The following RAI1 variants were observed in gnomAD, a reference collection of about 807,000 sequenced individuals.
The protein encoded by RAI1 is retinoic acid-induced protein 1.
RAI1 carries 9 observed loss-of-function variants against 123.8 expected under a neutral mutation model. The ratio of observed to expected loss-of-function variants is 0.07; its 90% CI spans 0.04 to 0.13. The LOEUF is 0.13. Among genes scored for constraint, RAI1 ranks in the 10% least tolerant of loss-of-function variants. The pLI, the probability that RAI1 is intolerant of heterozygous loss-of-function variation, is 1.00. For synonymous variants in RAI1, 1,231 were observed against 1,127.3 expected (o/e 1.09, Z -1.84); for missense variants, 2,256 against 2,545.8 (o/e 0.89, Z 2.45).
At position 17,795,543 on chromosome 17, in the gene RAI1, G is replaced by A; in HGVS notation, c.2595G>A (p.Leu865=). 1.2e-6 allele frequency: 2 copies of A among 1,605,268 alleles called. No homozygotes were observed. Among genetic ancestry groups the A allele is most frequent in the Non-Finnish European group, 1.7e-6 (2 of 1,175,978 alleles). The change falls in exon 3 of 6, where the codon CTG becomes CTA. Residue 865 remains leucine (L), a synonymous_variant. Transcript: ENST00000353383. The surrounding 1 kb of genome is among the most constrained non-coding windows in gnomAD (Gnocchi z 5.9). ...CACCCACCAGCAGGAAGGAGGACCT[G>A]GAAGCTGAGGAGGAGTACTCCTCCC... The part of the protein sequence containing the change: ...LLPPTSRKED[L]EAEEEYSSLC...
intron 1 of RAI1, among the ~76,000 whole-genome samples, chr17:17,689,131 T>A (rs190333803): frequency 1.8e-3 from 276 of 152,012 alleles, no homozygotes; most frequent in African/African-American, 6.4e-3. Context: ...AATTTTTTTT[T>A]ATTTTTAGTA....
At position 17,795,913 on chromosome 17, in the gene RAI1, A is replaced by G. The variant is rs993240093; in HGVS notation, c.2965A>G (p.Lys989Glu). 77 of 1,610,654 alleles carry G rather than the reference A, an allele frequency of 4.8e-5. No homozygotes were observed. The highest frequency in any genetic ancestry group is 5.9e-5 in the Non-Finnish European group (70 of 1,179,726). ...TGTGCCCGAGGCGCCCATCGCAAAG[A>G]AAGAGCCTGTGCCACGGGGCAAAAG... ...PAVPEAPIAKKEPVPRGKSLR... is the reference protein window; with the variant it reads ...PAVPEAPIAKEEPVPRGKSLR... Residue 989 changes from lysine (K) to glutamate (E), a missense_variant, in exon 3 of 6, where the codon AAA (lysine) becomes GAA (glutamate). By Grantham distance (56) the Lys-to-Glu change is moderately conservative. Around this residue, in one of 7 missense-constraint regions of RAI1, gnomAD observed 566 missense variants for 616.0 expected, o/e 0.92. Transcript: ENST00000353383. This position sits in a 1 kb window ranked among gnomAD's most constrained non-coding sequence, Gnocchi z 5.9.
chr17:17,785,579 G>C (rs1008952063), intron 2 of RAI1, among the ~76,000 whole-genome samples: 6 of 152,182 alleles, frequency 3.9e-5, no homozygotes, highest in African/African-American at 1.4e-4. Flanking sequence ...GGAGAGTTGG[G>C]GTGGCGCCTC....
At chr17:17,694,439 T>C (rs1914941179) in intron 1 of RAI1, among the ~76,000 whole-genome samples, 1 of 152,062 alleles carries the variant, frequency 6.6e-6, no homozygotes, top group Non-Finnish European at 1.5e-5. Context: ...GCCCCCAACC[T>C]GGCCCACCTC....
chr17:17,752,624 C>T lies in RAI1; in HGVS notation c.-17+28465C>T, dbSNP rs375933979. ...TGAGAGGCCTGCTAGGCCAGCGCCC[C>T]CTAATCCTCATCCGGCCGTGGGTGG... On this transcript the variant is annotated intron_variant, in intron 2 of 5. Coordinates refer to ENST00000353383, the MANE Select transcript of RAI1 (RefSeq NM_030665.4). 3.3e-3 allele frequency among the ~76,000 whole-genome samples: 508 copies of T among 152,344 alleles called. 4 individuals carry two copies. The highest frequency in any genetic ancestry group is 0.012 in the African/African-American group (482 of 41,568).
In RAI1 at chr17:17,794,018, G is replaced by T; in HGVS notation, c.1070G>T (p.Ser357Ile). ...ARSVGRSPSYSSTPSPLMPNL... is the reference protein window; with the variant it reads ...ARSVGRSPSYISTPSPLMPNL... ...TCCGTGGGCCGCTCACCTTCCTACA[G>T]TTCCACACCGTCGCCGCTGATGCCA... Residue 357 changes from serine (S) to isoleucine (I), a missense_variant, in exon 3 of 6, where the codon AGT becomes ATT. Coordinates refer to ENST00000353383, the MANE Select transcript of RAI1 (RefSeq NM_030665.4). 1 of 1,613,836 alleles carries T rather than the reference G, an allele frequency of 6.2e-7. No individual in the cohort carries two copies. Among genetic ancestry groups the T allele is most frequent in the Middle Eastern group, 1.6e-4 (1 of 6,062 alleles).
intron 1 of RAI1, chr17:17,683,635 G>C (rs182669420): frequency 6.6e-6 from 1 of 152,386 alleles, no homozygotes; most frequent in Non-Finnish European, 1.5e-5. Context: ...CTCAGGGCAG[G>C]CTCAGCCCCA....
At chr17:17,728,135 G>GC in intron 2 of RAI1, among the ~76,000 whole-genome samples, 1 of 152,126 alleles carries the variant, frequency 6.6e-6, no homozygotes, top group East Asian at 1.9e-4. Context: ...AAGGGAGGGT[G>GC]CCCCCGAGCT....
Position 17,775,208 on chromosome 17 carries a change from T to TC in RAI1, c.-16-17725_-16-17724insC, listed in dbSNP as rs1386937624. Among the ~76,000 whole-genome samples the TC allele has an allele frequency of 4.7e-5, 7 of 150,388 alleles. No homozygotes were observed. The East Asian group carries it at 1.4e-3, about 29-fold the overall frequency. On this transcript the variant is annotated intron_variant, in intron 2 of 5. Transcript: ENST00000353383. Reference sequence around the variant, plus strand: ...GCTGAAAATTCATGTGTAATTTTTTTTTTTTTTTTTTTTGAGACAGGGTCT... The same window carrying TC: ...GCTGAAAATTCATGTGTAATTTTTTTCTTTTTTTTTTTTTGAGACAGGGTCT...
chr17:17,797,630 G>C lies in RAI1; in HGVS notation c.4682G>C (p.Arg1561Pro), dbSNP rs755678482. 1 of 1,613,788 alleles carries C rather than the reference G, an allele frequency of 6.2e-7. No individual in the cohort carries two copies. Among genetic ancestry groups the C allele is most frequent in the Non-Finnish European group, 8.5e-7 (1 of 1,180,042 alleles). The change falls in exon 3 of 6, where the codon CGA becomes CCA. Residue 1561 changes from arginine to proline, a missense_variant. Transcript: ENST00000353383. ...SPCKGRAKRR[R>P]QQQVLPLDPA... ...TGTAAGGGGCGTGCCAAGCGACGAC[G>C]ACAGCAGCAGGTGCTGCCCCTGGAT...
chr17:17,686,356 C>A (rs1914634240), intron 1 of RAI1, among the ~76,000 whole-genome samples: 1 of 151,976 alleles, frequency 6.6e-6, no homozygotes, highest in Admixed American at 6.6e-5. Context: ...GCAGCTTCCC[C>A]AGGCTGCTTC....
intron 1 of RAI1, among the ~76,000 whole-genome samples, chr17:17,686,057 C>T (rs1447504345): frequency 1.3e-5 from 2 of 152,226 alleles, no homozygotes; most frequent in Non-Finnish European, 2.9e-5. Context: ...GCAATTCTGC[C>T]AGTGTCTGTC....
rs11870522 is a variant in RAI1, at chr17:17,715,601, C to T, written c.-148-8427C>T. Among the ~76,000 whole-genome samples the T allele has an allele frequency of 9.7e-3, 1,479 of 152,296 alleles. 23 individuals are homozygous for T. The highest frequency in any genetic ancestry group is 0.034 in the African/African-American group (1,425 of 41,548). On this transcript the variant is annotated intron_variant, in intron 1 of 5. Coordinates refer to ENST00000353383, the MANE Select transcript of RAI1 (RefSeq NM_030665.4). ...GTCTTTCCTCTGCCTCTGCCTCCCC[C>T]GGCCCCTTCCATTCACATGGTAGAA...
Position 17,811,093 on chromosome 17 carries a change from G to T in RAI1, c.*1112G>T. The T allele has an allele frequency of 3.5e-6, 1 of 289,812 alleles. No individual in the cohort carries two copies. 18.0% of individuals were successfully genotyped at this position (289,812 alleles called of 1,614,324 possible). On this transcript the variant is annotated 3_prime_UTR_variant, in exon 6 of 6. Coordinates refer to ENST00000353383, the MANE Select transcript of RAI1 (RefSeq NM_030665.4). ...CGGGCCAGTCCCTGCCAGTCCGTCC[G>T]CCTGTCCGTCCGTGTCCTCAGCTCT... is the stretch of plus-strand genomic sequence containing the variant.
chr17:17,684,562 C>G (rs935998871), intron 1 of RAI1: 2 of 151,388 alleles, frequency 1.3e-5, no homozygotes, highest in African/African-American at 4.9e-5. Flanking sequence ...TGCAAATAAG[C>G]CAGAAATATA....
At chr17:17,687,201 C>G (rs1466634083) in intron 1 of RAI1, among the ~76,000 whole-genome samples, 2 of 152,042 alleles carry the variant, frequency 1.3e-5, no homozygotes, top group Non-Finnish European at 2.9e-5. Context: ...GAGAAGGTGC[C>G]CAGAATGCTG....
chr17:17,705,458 C>A (rs910366361), intron 1 of RAI1, among the ~76,000 whole-genome samples: 6 of 152,012 alleles, frequency 3.9e-5, no homozygotes, highest in Admixed American at 2.6e-4. Flanking sequence ...ATAGTGAAAC[C>A]CCATCTCTAC....
chr17:17,792,635 C>T (rs990219622), intron 2 of RAI1, among the ~76,000 whole-genome samples: 4 of 151,826 alleles, frequency 2.6e-5, no homozygotes, highest in African/African-American at 7.3e-5. Context: ...TTTTGCCTCC[C>T]GCATCAGTGG....
At chr17:17,792,052 G>A (rs912826854) in intron 2 of RAI1, among the ~76,000 whole-genome samples, 2 of 152,160 alleles carry the variant, frequency 1.3e-5, no homozygotes, top group African/African-American at 4.8e-5. Context: ...GTGGGGCTGG[G>A]CTGTGCCCTT....
Sources: allele counts gnomAD v4.1 joint callset (sites outside exome capture counted in the v4.1 genomes callset), GRCh38; gene constraint gnomAD v4.1.1; regional missense constraint gnomAD v4.1.1; non-coding constraint Gnocchi (gnomAD v3.1); transcripts MANE v1.5; gene names NCBI Gene and HGNC (gene_info 2026-07-23, HGNC 2026-07-21).